Variants in AUP1 observed in about 807,000 individuals in gnomAD.
The protein encoded by AUP1 is AUP1 lipid droplet regulating VLDL assembly factor.
In AUP1, 30 loss-of-function variants were observed where a neutral mutation model predicts 51.8. That is an observed-to-expected ratio of 0.58 (90% CI 0.43 to 0.79). The LOEUF (loss-of-function observed/expected upper bound fraction) is 0.79. Ranked by LOEUF, AUP1 falls within the 30% of genes least tolerant of loss-of-function variation. AUP1 has a pLI of 0.00. For synonymous variants in AUP1, 227 were observed against 209.0 expected (o/e 1.09, Z -0.74); for missense variants, 492 against 517.1 (o/e 0.95, Z 0.47).
rs1438319301 is a variant in AUP1 at position 74,529,417 on chromosome 2, G to T, written c.133C>A (p.Leu45Ile). Residue 45 changes from leucine to isoleucine, a missense_variant, in exon 2 of 12, where the codon CTC becomes ATC. Leu to Ile is a conservative substitution (Grantham distance 5). Transcript: ENST00000377526. ...CTGACCAGGAAGACGTGGATCCCGA[G>T]AAAGAGGCGCAGGACGAGGAGGCAG... ...GFCLLVLRLF[L>I]GIHVFLVSCA... The T allele has an allele frequency of 6.3e-7, 1 of 1,594,072 alleles. No homozygotes were observed. The highest frequency in any genetic ancestry group is 8.5e-7 in the Non-Finnish European group (1 of 1,169,844).
chr2:74,527,659 G>C (rs1321473736), intron 8 of AUP1, 69 bp from the exon 9 acceptor site: 2 of 1,588,294 alleles, frequency 1.3e-6, no homozygotes, highest in South Asian at 1.2e-5. Context: ...AGGCTAACTA[G>C]CACAGAAATA....
At chr2:74,529,048 G>A in intron 3 of AUP1, 84 bp downstream of exon 3, 2 of 1,607,444 alleles carry the variant, frequency 1.2e-6, no homozygotes, top group Non-Finnish European at 1.7e-6. Context: ...TATCCTCCAT[G>A]GGGAACGCGA....
At chr2:74,529,098 G>A in intron 3 of AUP1, 34 bp downstream of exon 3, 2 of 1,614,110 alleles carry the variant, frequency 1.2e-6, no homozygotes. Context: ...CCAGGGAACC[G>A]CCCCGTGGCG....
chr2:74,527,030 C>G lies in AUP1; in HGVS notation c.1107G>C (p.Gln369His). 1 of 1,614,202 alleles carries G rather than the reference C, an allele frequency of 6.2e-7. No individual in the cohort carries two copies. Among genetic ancestry groups the G allele is most frequent in the Non-Finnish European group, 8.5e-7 (1 of 1,180,038 alleles). Residue 369 changes from glutamine to histidine, a missense_variant, in exon 11 of 12, where the codon CAG becomes CAC. Gln to His is a conservative substitution (Grantham distance 24, BLOSUM62 0). Transcript: ENST00000377526. Reference protein sequence around the residue: ...KFPSSGPVTPQPTALTFAKSS... With the variant: ...KFPSSGPVTPHPTALTFAKSS... ...ACTTGGCAAATGTTAGGGCTGTTGG[C>G]TGAGGGGTCACCGGGCCAGAGCTGG...
chr2:74,529,537 C>CGA, intron 1 of AUP1, 38 bp from the exon 2 acceptor site: 1 of 1,548,926 alleles, frequency 6.5e-7, no homozygotes, highest in South Asian at 1.2e-5. Context: ...CGCCGAAGGC[C>CGA]GAGAGCACGC....
In AUP1 at chr2:74,526,973, C is replaced by G; in HGVS notation, c.1164G>C (p.Glu388Asp). Reference sequence around the variant, plus strand: ...CGTATTCATATAGTGCTTGCTTGCGCTCCTGCAGGCTCTCCTGCCGGGCCC... The same window carrying G: ...CGTATTCATATAGTGCTTGCTTGCGGTCCTGCAGGCTCTCCTGCCGGGCCC... ...SSWARQESLQERKQALYEYAR... is the reference protein window; with the variant it reads ...SSWARQESLQDRKQALYEYAR... The change falls in exon 11 of 12, where the codon GAG (glutamate) becomes GAC (aspartate). Residue 388 changes from glutamate to aspartate, a missense_variant. By Grantham distance (45) the Glu-to-Asp change is conservative. Coordinates refer to ENST00000377526, the MANE Select transcript of AUP1 (RefSeq NM_181575.5). 1 of 1,614,162 alleles carries G rather than the reference C, an allele frequency of 6.2e-7. No individual in the cohort carries two copies. The highest frequency in any genetic ancestry group is 1.1e-5 in the South Asian group (1 of 91,088).
rs373539917 is a variant in AUP1 at position 74,529,344 on chromosome 2, G to C, written c.188+18C>G. On this transcript the variant is annotated intron_variant, in intron 2 of 11. Transcript: ENST00000377526. ...GCCAGACCCAGCTCTGACACTCCCC[G>C]AACGCCCGCGTCGGAACCTGCGAAG... The C allele has an allele frequency of 4.3e-6, 7 of 1,612,738 alleles. No homozygotes were observed. The highest frequency in any genetic ancestry group is 5.9e-6 in the Non-Finnish European group (7 of 1,179,498).
rs1030649939 is a variant in AUP1 at position 74,526,852 on chromosome 2, A to G, written c.1197-16T>C. ...TGTGAATCTCCTGTGGGACATAGGG[A>G]GAGATATTATTCAGGCTTTGCCGTA... On this transcript the variant is annotated splice_polypyrimidine_tract_variant and intron_variant, in intron 11 of 11. Transcript: ENST00000377526. 6 of 1,582,362 alleles carry G rather than the reference A, an allele frequency of 3.8e-6. No individual in the cohort carries two copies. In the Admixed American group the frequency reaches 6.9e-5, roughly 18 times the overall value.
chr2:74,528,624 A>G, intron 4 of AUP1, 127 bp downstream of exon 4: 1 of 1,399,222 alleles, frequency 7.1e-7, no homozygotes, highest in Non-Finnish European at 9.9e-7. Flanking sequence ...GAAAGAACTT[A>G]AAGTGGACAG....
At chr2:74,527,895 C>T (rs1203687013) in intron 7 of AUP1, 45 bp downstream of exon 7, 13 of 1,613,548 alleles carry the variant, frequency 8.1e-6, no homozygotes, top group Admixed American at 1.7e-5. Context: ...TCCCTCTCCT[C>T]CTAAGCAGGG....
In AUP1 at chr2:74,529,225, G is replaced by A. The variant is rs1017400756; in HGVS notation, c.246C>T (p.Ser82=). 1.2e-6 allele frequency: 2 copies of A among 1,614,076 alleles called. No individual in the cohort carries two copies. Among genetic ancestry groups the A allele is most frequent in the African/African-American group, 2.7e-5 (2 of 74,932 alleles). ...VLGLVARQED[S]GLRDHSVRVL... ...CCCTGACACTGTGATCCCGGAGTCC[G>A]GAGTCCTCCTGCCGGGCCACGAGCC... is the stretch of plus-strand genomic sequence containing the variant. Residue 82 remains serine, a synonymous_variant, in exon 3 of 12, where the codon TCC becomes TCT. Coordinates refer to ENST00000377526, the MANE Select transcript of AUP1 (RefSeq NM_181575.5).
chr2:74,528,917 G>A lies in AUP1; in HGVS notation c.358C>T (p.Pro120Ser). ...TCSTPLLNSP[P>S]SFVCWSRGFM... ...CCCCGAGACCAGCACACAAAGCTGG[G>A]GGGACTATTGAGTAGAGGCTGGGAA... Residue 120 changes from proline (P) to serine (S), a missense_variant, in exon 4 of 12, where the codon CCC (proline) becomes TCC (serine). Physicochemically the swap from Pro to Ser is moderately conservative, Grantham distance 74. Transcript: ENST00000377526. 6.2e-7 allele frequency: 1 copy of A among 1,614,158 alleles called. No individual in the cohort carries two copies. Among genetic ancestry groups the A allele is most frequent in the Non-Finnish European group, 8.5e-7 (1 of 1,180,026 alleles).
chr2:74,529,652 G>T lies in AUP1; in HGVS notation c.-23C>A, dbSNP rs776716354. ...CATAACTGCTGCTTCAGGAGCGCCC[G>T]GCCGTCGCCGCCGCCGCCATTTTCG... On this transcript the variant is annotated 5_prime_UTR_variant, in exon 1 of 12. Transcript: ENST00000377526. 1 of 1,548,184 alleles carries T rather than the reference G, an allele frequency of 6.5e-7. No homozygotes were observed.
In AUP1 at chr2:74,529,436, G is replaced by C. The variant is rs767639720; in HGVS notation, c.114C>G (p.Leu38=). ...TCCCGAGAAAGAGGCGCAGGACGAG[G>C]AGGCAGAACCCGACTGGCGCGTAGA... ...LLLYAPVGFC[L]LVLRLFLGIH... is the part of the protein sequence containing the mutation. The change falls in exon 2 of 12, where the codon CTC becomes CTG. Residue 38 remains leucine, a synonymous_variant. Transcript: ENST00000377526. 76 of 1,578,164 alleles carry C rather than the reference G, an allele frequency of 4.8e-5. No homozygotes were observed. In the South Asian group the frequency reaches 7.9e-4, roughly 16 times the overall value.
At chr2:74,528,628 TG>T in intron 4 of AUP1, 122 bp downstream of exon 4, 1 of 1,402,472 alleles carries the variant, frequency 7.1e-7, no homozygotes, top group Non-Finnish European at 9.9e-7. Context: ...GAACTTAAAG[TG>T]GACAGAAAGG....
At position 74,527,724 on chromosome 2, in the gene AUP1, G is replaced by A. The variant is rs760145349; in HGVS notation, c.841+12C>T. 1.9e-6 allele frequency: 3 copies of A among 1,612,740 alleles called. No homozygotes were observed. The highest frequency in any genetic ancestry group is 2.5e-6 in the Non-Finnish European group (3 of 1,179,050). On this transcript the variant is annotated intron_variant, in intron 8 of 11. Coordinates refer to ENST00000377526, the MANE Select transcript of AUP1 (RefSeq NM_181575.5). ...AAAACCCCAAAAGCTGTAATGTATAGAGACCACATACCTGACTGGGGGCGC... is the reference window on the plus strand; with the variant it reads ...AAAACCCCAAAAGCTGTAATGTATAAAGACCACATACCTGACTGGGGGCGC...
At position 74,527,483 on chromosome 2, in the gene AUP1, G is replaced by C; in HGVS notation, c.949C>G (p.Gln317Glu). 1 of 1,613,094 alleles carries C rather than the reference G, an allele frequency of 6.2e-7. No homozygotes were observed. Among genetic ancestry groups the C allele is most frequent in the Non-Finnish European group, 8.5e-7 (1 of 1,179,614 alleles). ...VLPHVPLGVI[Q>E]RDLAKTGCVD... ...CCCTTTCCCATACCCAGGTCTCTCT[G>C]GATGACACCCAATGGCACATGGGGC... The change falls in exon 9 of 12, where the codon CAG becomes GAG. Residue 317 changes from glutamine (Q) to glutamate (E), a missense_variant. Coordinates refer to ENST00000377526, the MANE Select transcript of AUP1 (RefSeq NM_181575.5).
rs751063527 is a variant in AUP1, at chr2:74,529,610, G to C, written c.20C>G (p.Pro7Arg). The C allele has an allele frequency of 1.3e-6, 2 of 1,568,270 alleles. No homozygotes were observed. Among genetic ancestry groups the C allele is most frequent in the Non-Finnish European group, 1.7e-6 (2 of 1,156,632 alleles). MELPSG[P>R]GPERLFDSHR... Reference sequence around the variant, plus strand: ...CGAGTCAAAGAGCCGCTCCGGCCCCGGCCCTGAGGGAAGCTCCATAACTGC... The same window carrying C: ...CGAGTCAAAGAGCCGCTCCGGCCCCCGCCCTGAGGGAAGCTCCATAACTGC... Residue 7 changes from proline to arginine, a missense_variant, in exon 1 of 12, where the codon CCG becomes CGG. Coordinates refer to ENST00000377526, the MANE Select transcript of AUP1 (RefSeq NM_181575.5).
intron 10 of AUP1, 61 bp downstream of exon 10, chr2:74,527,187 A>G: frequency 6.3e-7 from 1 of 1,599,794 alleles, no homozygotes; most frequent in Non-Finnish European, 8.5e-7. Flanking sequence ...GGGATAAGGG[A>G]GTACATAGCC....
Sources: allele counts gnomAD v4.1 joint callset, GRCh38; gene constraint gnomAD v4.1.1; transcripts MANE v1.5; gene names NCBI Gene and HGNC (gene_info 2026-07-23, HGNC 2026-07-21).